Variants in EFL1 observed in about 807,000 individuals in gnomAD.
The protein encoded by EFL1 is elongation factor-like GTPase 1.
A neutral mutation model predicts 126.7 loss-of-function variants in EFL1; 76 were observed. That is an observed-to-expected ratio of 0.60 (90% CI 0.50 to 0.73). The LOEUF (loss-of-function observed/expected upper bound fraction) is 0.73. EFL1 is among the 30% of genes least tolerant of loss of function. The pLI, the probability that EFL1 is intolerant of heterozygous loss-of-function variation, is 0.00. For missense variants in EFL1, 1,128 were observed against 1,343.2 expected, an observed-to-expected ratio of 0.84 and a Z score of 2.50; for synonymous variants, 410 against 448.4, an observed-to-expected ratio of 0.91 and a Z score of 1.08.
chr15:82,172,754 T>C (rs2074150349), intron 15 of EFL1, among the ~76,000 whole-genome samples: 1 of 152,190 alleles, frequency 6.6e-6, no homozygotes, highest in South Asian at 2.1e-4. Context: ...TATATCTGTA[T>C]CAAGCTTCAT....
chr15:82,223,228 G>C (rs758045868), intron 12 of EFL1, among the ~76,000 whole-genome samples: 1 of 148,842 alleles, frequency 6.7e-6, no homozygotes, highest in Non-Finnish European at 1.5e-5. Flanking sequence ...ACTTCCAATG[G>C]TACATTTTCC....
intron 7 of EFL1, among the ~76,000 whole-genome samples, chr15:82,235,911 T>G (rs187411502): frequency 2.2e-4 from 34 of 152,228 alleles, no homozygotes; most frequent in Admixed American, 2.2e-3. Flanking sequence ...AACCCCTATT[T>G]GCAGACATGA....
At chr15:82,209,319 A>G (rs2074559540) in intron 15 of EFL1, among the ~76,000 whole-genome samples, 1 of 58,454 alleles carries the variant, frequency 1.7e-5, no homozygotes, top group South Asian at 3.3e-4. Context: ...AGACACAGAC[A>G]CACACACACA....
At chr15:82,158,909 T>C (rs2073994490) in intron 16 of EFL1, among the ~76,000 whole-genome samples, 1 of 152,200 alleles carries the variant, frequency 6.6e-6, no homozygotes, top group African/African-American at 2.4e-5. Context: ...GAAACAGGTA[T>C]AGAGAAACTA....
intron 2 of EFL1, among the ~76,000 whole-genome samples, chr15:82,261,311 A>C (rs913186640): frequency 6.6e-6 from 1 of 152,234 alleles, no homozygotes; most frequent in African/African-American, 2.4e-5. Context: ...ACTAAGCAAA[A>C]TATCTTGAAC....
intron 7 of EFL1, among the ~76,000 whole-genome samples, chr15:82,236,152 T>A (rs945121399): frequency 6.6e-6 from 1 of 152,110 alleles, no homozygotes; most frequent in African/African-American, 2.4e-5. Context: ...AAAATGCTCA[T>A]AAAAGAATTT....
chr15:82,199,890 T>C (rs1247714482), intron 15 of EFL1, among the ~76,000 whole-genome samples: 1 of 152,158 alleles, frequency 6.6e-6, no homozygotes, highest in African/African-American at 2.4e-5. Context: ...TTATATAGAA[T>C]AAATGTTTAA....
At chr15:82,196,996 C>T (rs756845832) in intron 15 of EFL1, among the ~76,000 whole-genome samples, 1 of 150,268 alleles carries the variant, frequency 6.7e-6, no homozygotes, top group Admixed American at 6.6e-5. Context: ...TGCACCATTG[C>T]ACTCCAGCTT....
chr15:82,141,151 A>G (rs1243816891), intron 18 of EFL1, among the ~76,000 whole-genome samples: 2 of 152,110 alleles, frequency 1.3e-5, no homozygotes, highest in East Asian at 3.9e-4. Flanking sequence ...TACTTGAACT[A>G]CTATGATTTA....
chr15:82,200,627 G>C (rs1387603695), intron 15 of EFL1, among the ~76,000 whole-genome samples: 1 of 152,200 alleles, frequency 6.6e-6, no homozygotes, highest in African/African-American at 2.4e-5. Flanking sequence ...AGAACACAGT[G>C]AGGGCAGGAA....
At position 82,262,681 on chromosome 15, in the gene EFL1, G is replaced by A. The variant is rs530629081; in HGVS notation, c.-87C>T. 2 of 575,230 alleles carry A rather than the reference G, an allele frequency of 3.5e-6. No individual in the cohort carries two copies. Among genetic ancestry groups the A allele is most frequent in the Admixed American group, 3.4e-5 (1 of 29,038 alleles). 35.6% of individuals were successfully genotyped at this position (575,230 alleles called of 1,614,324 possible). A position where few individuals can be genotyped will look rare whatever the true frequency, so the allele number is the denominator to read the frequency against. On this transcript the variant is annotated 5_prime_UTR_variant, in exon 1 of 20. Transcript: ENST00000268206. ...GCACCCACACCGAGAGCTTCCGAAA[G>A]TCCGAGAGCTCTGCGGGTCCGACAC...
In EFL1 at chr15:82,246,565, A is replaced by T. The variant is rs565287812; in HGVS notation, c.245-5162T>A. Among the ~76,000 whole-genome samples, 6 of 151,990 alleles carry T rather than the reference A, an allele frequency of 3.9e-5. 1 individual carries two copies. The South Asian group carries it at 1.2e-3, about 32-fold the overall frequency. ...GTGGGGCTGAAAGAAGGATTTATGT[A>T]TTTTTTTAAGACAAGAAAGACAAGA... On this transcript the variant is annotated intron_variant, in intron 4 of 19. Coordinates refer to ENST00000268206, the MANE Select transcript of EFL1 (RefSeq NM_024580.6).
At chr15:82,210,513 T>G (rs1371549539) in intron 15 of EFL1, among the ~76,000 whole-genome samples, 1 of 152,136 alleles carries the variant, frequency 6.6e-6, no homozygotes, top group African/African-American at 2.4e-5. Context: ...CCGAGACATG[T>G]GCTTGAAATA....
At chr15:82,214,366 T>A (rs2074621408) in intron 15 of EFL1, among the ~76,000 whole-genome samples, 1 of 152,246 alleles carries the variant, frequency 6.6e-6, no homozygotes, top group African/African-American at 2.4e-5. Context: ...GAATAGTTTC[T>A]GACAATTTAG....
intron 16 of EFL1, among the ~76,000 whole-genome samples, chr15:82,162,169 T>A (rs1329642692): frequency 6.6e-6 from 1 of 151,864 alleles, no homozygotes; most frequent in Non-Finnish European, 1.5e-5. Flanking sequence ...CCCAGCTACT[T>A]GGGAGGCTGA....
At chr15:82,258,544 G>A (rs12904246) in intron 3 of EFL1, among the ~76,000 whole-genome samples, 5,909 of 152,266 alleles carry the variant, frequency 0.039, 169 homozygotes, top group Middle Eastern at 0.095. Context: ...AACAGAGTGA[G>A]ATCCTGTCTC....
At chr15:82,217,749 G>A (rs2074665932) in intron 14 of EFL1, among the ~76,000 whole-genome samples, 1 of 152,198 alleles carries the variant, frequency 6.6e-6, no homozygotes, top group Non-Finnish European at 1.5e-5. Context: ...TCCTTCTCGA[G>A]TGTGAGTGGG....
At chr15:82,244,837 C>T (rs569329104) in intron 4 of EFL1, among the ~76,000 whole-genome samples, 1 of 152,052 alleles carries the variant, frequency 6.6e-6, no homozygotes, top group Admixed American at 6.5e-5. Context: ...TGTTCAACTT[C>T]CAAAACACTG....
chr15:82,164,387 A>G (rs531520108), intron 15 of EFL1, among the ~76,000 whole-genome samples: 1 of 152,310 alleles, frequency 6.6e-6, no homozygotes, highest in African/African-American at 2.4e-5. Context: ...CCATCTGCAT[A>G]TGAGTAAAGG....
Sources: gnomAD v4.1 joint callset for allele counts (sites outside exome capture counted in the v4.1 genomes callset) on GRCh38, gnomAD v4.1.1 for gene constraint, MANE v1.5 for transcripts, NCBI Gene and HGNC (gene_info 2026-07-23, HGNC 2026-07-21) for gene names.